HLA-B: variants seen among roughly 807,000 people sequenced by gnomAD.
The protein encoded by HLA-B is HLA class I antigen HLA-B.
In HLA-B, 31 loss-of-function variants were observed where a neutral mutation model predicts 41.5. The observed-to-expected ratio is 0.75, with a 90% CI of 0.56 to 1.01. The LOEUF (loss-of-function observed/expected upper bound fraction) is 1.01. Ranked by LOEUF, HLA-B falls within the 50% of genes least tolerant of loss-of-function variation. The probability of loss-of-function intolerance (pLI) is 0.00; values close to 1 mark genes in which losing one functional copy is unlikely to be tolerated. For synonymous variants in HLA-B, 138 were observed against 189.0 expected (o/e 0.73, Z 2.21); for missense variants, 369 against 457.2 (o/e 0.81, Z 1.76).
intron 3 of HLA-B, 99 bp downstream of exon 3, chr6:31,356,066 GGC>G: frequency 1.6e-6 from 1 of 607,962 alleles, no homozygotes; most frequent in South Asian, 2.1e-5. Flanking sequence ...TTCAACGGAG[GGC>G]GACATTCTAG....
chr6:31,354,120 A>G lies in HLA-B; in HGVS notation c.*181T>C. 2.1e-6 allele frequency: 1 copy of G among 485,048 alleles called. No homozygotes were observed. Among genetic ancestry groups the G allele is most frequent in the Non-Finnish European group, 4.0e-6 (1 of 248,412 alleles). 30.0% of individuals were successfully genotyped at this position (485,048 alleles called of 1,614,324 possible). A position where few individuals can be genotyped will look rare whatever the true frequency, so the allele number is the denominator to read the frequency against. Reference sequence around the variant, plus strand: ...AGGAAACACAGGTCAGCATGGGAACAGGGGTCACAGTGGACACAAGGGTGG... The same window carrying G: ...AGGAAACACAGGTCAGCATGGGAACGGGGGTCACAGTGGACACAAGGGTGG... On this transcript the variant is annotated 3_prime_UTR_variant, in exon 8 of 8. Transcript: ENST00000412585.
chr6:31,356,745 G>GTT lies in HLA-B; in HGVS notation c.285_286insAA (p.Gln96AsnfsTer56). 2 of 1,114,432 alleles carry GTT rather than the reference G, an allele frequency of 1.8e-6. No individual in the cohort carries two copies. The highest frequency in any genetic ancestry group is 1.2e-6 in the Non-Finnish European group (1 of 847,848). 69.0% of individuals were successfully genotyped at this position (1,114,432 alleles called of 1,614,324 possible). ...TTCCGCAGGCTCTCTCGGTCAGTCT[G>GTT]TGCCTGGGCCTTGTAGATCTGTGTG... On this transcript the variant is annotated frameshift_variant, in exon 2 of 8. Transcript: ENST00000412585. LOFTEE classifies it high-confidence loss of function.
Position 31,354,451 on chromosome 6 carries a change from CACCCACTCTAGA to C in HLA-B, c.*4+16_*4+27del. 4 of 744,798 alleles carry C rather than the reference CACCCACTCTAGA, an allele frequency of 5.4e-6. No individual in the cohort carries two copies. The highest frequency in any genetic ancestry group is 5.2e-5 in the South Asian group (3 of 57,250). The allele number at this position is 744,798 out of a possible 1,614,324, so 46.1% of individuals were successfully genotyped here. A position where few individuals can be genotyped will look rare whatever the true frequency, so the allele number is the denominator to read the frequency against. On this transcript the variant is annotated intron_variant, in intron 7 of 7. Coordinates refer to ENST00000412585, the MANE Select transcript of HLA-B (RefSeq NM_005514.8). ...CCACCCACCCCCAGACCCGCCACCC[CACCCACTCTAGA>C]CCCCAAGAATCTCACCTTTTCAAGC... is the stretch of plus-strand genomic sequence containing the variant.
intron 7 of HLA-B, 54 bp downstream of exon 7, chr6:31,354,425 C>CCCCT (rs2113730879): frequency 1.1e-5 from 4 of 354,766 alleles, no homozygotes; most frequent in Admixed American, 5.4e-5. Flanking sequence ...TCCCCTCTGC[C>CCCCT]CCACCCACCC....
chr6:31,355,353 G>A lies in HLA-B; in HGVS notation c.859C>T (p.His287Tyr). Residue 287 changes from histidine to tyrosine, a missense_variant, in exon 4 of 8, where the codon CAT becomes TAT. Around this residue, in one of 6 missense-constraint regions of HLA-B, gnomAD observed 23 missense variants for 37.0 expected, o/e 0.62. Coordinates refer to ENST00000412585, the MANE Select transcript of HLA-B (RefSeq NM_005514.8). ...EEQRYTCHVQHEGLPKPLTLR... is the reference protein window; with the variant it reads ...EEQRYTCHVQYEGLPKPLTLR... The stretch of plus-strand genomic sequence containing the variant: ...GTGAGGGGCTTCGGCAGCCCCTCAT[G>A]CTGTACATGGCATGTGTATCTCTGC... The A allele has an allele frequency of 6.3e-7, 1 of 1,585,740 alleles. No homozygotes were observed. Among genetic ancestry groups the A allele is most frequent in the South Asian group, 1.1e-5 (1 of 89,712 alleles).
In HLA-B at chr6:31,353,958, T is replaced by C; in HGVS notation, c.*343A>G. The C allele has an allele frequency of 2.8e-6, 1 of 354,838 alleles. No individual in the cohort carries two copies. The highest frequency in any genetic ancestry group is 5.3e-6 in the Non-Finnish European group (1 of 188,950). The allele number at this position is 354,838 out of a possible 1,614,324, so 22.0% of individuals were successfully genotyped here. A position where few individuals can be genotyped will look rare whatever the true frequency, so the allele number is the denominator to read the frequency against. On this transcript the variant is annotated 3_prime_UTR_variant, in exon 8 of 8. Coordinates refer to ENST00000412585, the MANE Select transcript of HLA-B (RefSeq NM_005514.8). ...TAATCCATCAACCTCTCATAGCAAA[T>C]ATTTGAGAAAACAAATTTATATTCA...
In HLA-B at chr6:31,355,411, C is replaced by T. The variant is rs776715430; in HGVS notation, c.801G>A (p.Lys267=). The change falls in exon 4 of 8, where the codon AAG becomes AAA. Residue 267 remains lysine, a synonymous_variant. Coordinates refer to ENST00000412585, the MANE Select transcript of HLA-B (RefSeq NM_005514.8). The part of the protein sequence containing the change: ...TRPAGDRTFQ[K]WAAVVVPSGE... ...CAGAAGGCACCACCACAGCTGCCCA[C>T]TTCTGGAAGGTTCTATCTCCTGCTG... is the stretch of plus-strand genomic sequence containing the variant. 1 of 1,583,580 alleles carries T rather than the reference C, an allele frequency of 6.3e-7. No homozygotes were observed. Among genetic ancestry groups the T allele is most frequent in the Non-Finnish European group, 8.5e-7 (1 of 1,170,748 alleles).
At position 31,356,576 on chromosome 6, in the gene HLA-B, C is replaced by G. The variant is rs1398165777; in HGVS notation, c.343+112G>C. The G allele has an allele frequency of 4.5e-6, 5 of 1,106,860 alleles. No homozygotes were observed. The African/African-American group carries it at 9.5e-5, about 21-fold the overall frequency. The allele number at this position is 1,106,860 out of a possible 1,614,324, so 68.6% of individuals were successfully genotyped here. A position where few individuals can be genotyped will look rare whatever the true frequency, so the allele number is the denominator to read the frequency against. On this transcript the variant is annotated intron_variant, in intron 2 of 7. Transcript: ENST00000412585. ...GGCTCTCGCCGGTCGAGGGTCTGGG[C>G]GGGTCCCGCGGCCTCAGGGAGGCGG...
rs41556312 is a variant in HLA-B, at chr6:31,356,430, A to C, written c.356T>G (p.Leu119Arg). Residue 119 changes from leucine (L) to arginine (R), a missense_variant, in exon 3 of 8, where the codon CTC becomes CGC. Transcript: ENST00000412585. ...YNQSEAGSHT[L>R]QSMYGCDVGP... Reference sequence around the variant, plus strand: ...CACGTCGCAGCCGTACATGCTCTGGAGGGTGTGAGACCCTGGCCCCGGCCC... The same window carrying C: ...CACGTCGCAGCCGTACATGCTCTGGCGGGTGTGAGACCCTGGCCCCGGCCC... The C allele has an allele frequency of 2.2e-6, 2 of 912,990 alleles. No individual in the cohort carries two copies. The highest frequency in any genetic ancestry group is 3.4e-5 in the African/African-American group (1 of 29,706). The allele number at this position is 912,990 out of a possible 1,614,324, so 56.6% of individuals were successfully genotyped here.
chr6:31,354,782 G>A (rs2523608), intron 5 of HLA-B, 117 bp from the exon 6 acceptor site: 169,627 of 411,130 alleles, frequency 0.41, 48,187 homozygotes, highest in South Asian at 0.68. Context: ...TACAGACCCA[G>A]GGCAGGATCA....
At chr6:31,354,855 C>T in intron 5 of HLA-B, 190 bp from the exon 6 acceptor site, 1 of 385,662 alleles carries the variant, frequency 2.6e-6, no homozygotes, top group Non-Finnish European at 4.4e-6. Context: ...CTGTCCTTAG[C>T]AGGGACCTTC....
Position 31,354,617 on chromosome 6 carries a change from C to T in HLA-B, c.1045+16G>A, listed in dbSNP as rs1335859096. The T allele has an allele frequency of 1.2e-5, 17 of 1,439,072 alleles. No individual in the cohort carries two copies. Among genetic ancestry groups the T allele is most frequent in the Non-Finnish European group, 1.4e-5 (15 of 1,084,142 alleles). 89.1% of individuals were successfully genotyped at this position (1,439,072 alleles called of 1,614,324 possible). A position where few individuals can be genotyped will look rare whatever the true frequency, so the allele number is the denominator to read the frequency against. ...GGGTGGGTGAGCTCCTCCACACTCC[C>T]ACCCCCACCACTTACACGCAGCCTG... On this transcript the variant is annotated intron_variant, in intron 6 of 7. Coordinates refer to ENST00000412585, the MANE Select transcript of HLA-B (RefSeq NM_005514.8).
chr6:31,354,488 C>A lies in HLA-B; in HGVS notation c.1084G>T (p.Ala362Ser). 1 of 1,247,340 alleles carries A rather than the reference C, an allele frequency of 8.0e-7. No individual in the cohort carries two copies. The highest frequency in any genetic ancestry group is 2.5e-5 in the Admixed American group (1 of 39,438). 77.3% of individuals were successfully genotyped at this position (1,247,340 alleles called of 1,614,324 possible). A position where few individuals can be genotyped will look rare whatever the true frequency, so the allele number is the denominator to read the frequency against. ...SAQGSDVSLT[A>S] ...ACCCCAAGAATCTCACCTTTTCAAGCTGTGAGAGACACATCAGAGCCCTGG... is the reference window on the plus strand; with the variant it reads ...ACCCCAAGAATCTCACCTTTTCAAGATGTGAGAGACACATCAGAGCCCTGG... The change falls in exon 7 of 8, where the codon GCT (alanine) becomes TCT (serine). Residue 362 changes from alanine to serine, a missense_variant. By Grantham distance (99) the Ala-to-Ser change is moderately conservative. Transcript: ENST00000412585.
Position 31,356,381 on chromosome 6 carries a change from GC to G in HLA-B, c.404del (p.Arg135ProfsTer16), listed in dbSNP as rs151341232. The G allele has an allele frequency of 9.9e-7, 1 of 1,008,666 alleles. No individual in the cohort carries two copies. The highest frequency in any genetic ancestry group is 1.3e-6 in the Non-Finnish European group (1 of 768,492). 62.5% of individuals were successfully genotyped at this position (1,008,666 alleles called of 1,614,324 possible). ...CGTCGTAGGCGTACTGGTCATGCCCGCGGAGGAGGCGCCCGTCCGGCCCCAC... is the reference window on the plus strand; with the variant it reads ...CGTCGTAGGCGTACTGGTCATGCCCGGGAGGAGGCGCCCGTCCGGCCCCAC... ...CDVGPDGRLL[R>X]GHDQYAYDGK... On this transcript the variant is annotated frameshift_variant, in exon 3 of 8. Transcript: ENST00000412585. LOFTEE classifies it high-confidence loss of function.
chr6:31,356,758 GTAGA>G lies in HLA-B; in HGVS notation c.269_272del (p.Ile90ThrfsTer60). On this transcript the variant is annotated frameshift_variant, in exon 2 of 8. Coordinates refer to ENST00000412585, the MANE Select transcript of HLA-B (RefSeq NM_005514.8). LOFTEE classifies it high-confidence loss of function. ...CTCGGTCAGTCTGTGCCTGGGCCTT[GTAGA>G]TCTGTGTGTTCCGGTCCCAATACTC... 2 of 1,089,396 alleles carry G rather than the reference GTAGA, an allele frequency of 1.8e-6. No homozygotes were observed. Among genetic ancestry groups the G allele is most frequent in the East Asian group, 3.9e-5 (1 of 25,660 alleles). 67.5% of individuals were successfully genotyped at this position (1,089,396 alleles called of 1,614,324 possible).
chr6:31,354,142 G>GGT lies in HLA-B; in HGVS notation c.*158_*159insAC. On this transcript the variant is annotated 3_prime_UTR_variant, in exon 8 of 8. Transcript: ENST00000412585. ...AACAGGGGTCACAGTGGACACAAGGGTGGGCTGTCTCTCCACCTCCTCACA... is the reference window on the plus strand; with the variant it reads ...AACAGGGGTCACAGTGGACACAAGGGGTTGGGCTGTCTCTCCACCTCCTCACA... 1 of 495,270 alleles carries GGT rather than the reference G, an allele frequency of 2.0e-6. No individual in the cohort carries two copies. The highest frequency in any genetic ancestry group is 3.9e-6 in the Non-Finnish European group (1 of 253,836). 30.7% of individuals were successfully genotyped at this position (495,270 alleles called of 1,614,324 possible).
intron 7 of HLA-B, 51 bp downstream of exon 7, chr6:31,354,427 CA>C (rs1208411534): frequency 0.095 from 28,092 of 296,916 alleles, 1,425 homozygotes; most frequent in Admixed American, 0.19. Context: ...CCCTCTGCCC[CA>C]CCCACCCCCA....
At position 31,356,970 on chromosome 6, in the gene HLA-B, AG is replaced by A. The variant is rs75402393; in HGVS notation, c.74-14del. The A allele has an allele frequency of 1.1e-6, 1 of 922,280 alleles. No individual in the cohort carries two copies. Among genetic ancestry groups the A allele is most frequent in the Non-Finnish European group, 1.4e-6 (1 of 696,090 alleles). The allele number at this position is 922,280 out of a possible 1,614,324, so 57.1% of individuals were successfully genotyped here. A position where few individuals can be genotyped will look rare whatever the true frequency, so the allele number is the denominator to read the frequency against. ...ATGGAGTGGGAGCCTGGGGGTGAGG[AG>A]GGGCTGAGACCCGCCCGACCCTCCT... On this transcript the variant is annotated splice_polypyrimidine_tract_variant and intron_variant, in intron 1 of 7. Transcript: ENST00000412585.
rs927982665 is a variant in HLA-B, at chr6:31,354,085, A to T, written c.*216T>A. 12 of 443,894 alleles carry T rather than the reference A, an allele frequency of 2.7e-5. No homozygotes were observed. The highest frequency in any genetic ancestry group is 4.4e-5 in the Non-Finnish European group (10 of 227,610). The allele number at this position is 443,894 out of a possible 1,614,324, so 27.5% of individuals were successfully genotyped here. On this transcript the variant is annotated 3_prime_UTR_variant, in exon 8 of 8. Transcript: ENST00000412585. ...GCCCCACCTCTCTGGAACAAGAAAG[A>T]TGACTGGGGAGGAAACACAGGTCAG... is the stretch of plus-strand genomic sequence containing the variant.
Sources: allele counts gnomAD v4.1 joint callset, GRCh38; gene constraint gnomAD v4.1.1; regional missense constraint gnomAD v4.1.1; transcripts MANE v1.5; gene names NCBI Gene and HGNC (gene_info 2026-07-23, HGNC 2026-07-21).